CCSER1: variants seen among roughly 807,000 people sequenced by gnomAD.
CCSER1 encodes serine-rich coiled-coil domain-containing protein 1.
In CCSER1, 41 loss-of-function variants were observed where a neutral mutation model predicts 82.0. That is an observed-to-expected ratio of 0.50 (90% CI 0.39 to 0.65). The LOEUF (loss-of-function observed/expected upper bound fraction) is 0.65. Among genes scored for constraint, CCSER1 ranks in the 30% least tolerant of loss-of-function variants. The pLI, the probability that CCSER1 is intolerant of heterozygous loss-of-function variation, is 0.00. For synonymous variants in CCSER1, 414 were observed against 383.9 expected (o/e 1.08, Z -0.92); for missense variants, 1,119 against 1,064.2 (o/e 1.05, Z -0.72).
In CCSER1 at chr4:91,222,924, TAGAG is replaced by T. The variant is rs368229907; in HGVS notation, c.2217+136932_2217+136935del. On this transcript the variant is annotated intron_variant, in intron 10 of 10. Coordinates refer to ENST00000509176, the MANE Select transcript of CCSER1 (RefSeq NM_001145065.2). ...AGCCTTAGAGTGTACCTATGAAAAA[TAGAG>T]ATATTATCAATGTTATCTTGGTGTA... is the stretch of plus-strand genomic sequence containing the variant. 3.2e-3 allele frequency among the ~76,000 whole-genome samples: 483 copies of T among 152,240 alleles called. 18 individuals carry two copies. The South Asian group carries it at 0.072, about 23-fold the overall frequency.
At chr4:90,999,389 A>T (rs146567145) in intron 9 of CCSER1, among the ~76,000 whole-genome samples, 1 of 152,128 alleles carries the variant, frequency 6.6e-6, no homozygotes. Flanking sequence ...CCTCATCAAC[A>T]TCTGTTGTTT....
At chr4:91,269,146 C>T (rs901147743) in intron 10 of CCSER1, among the ~76,000 whole-genome samples, 3 of 152,118 alleles carry the variant, frequency 2.0e-5, no homozygotes, top group Non-Finnish European at 4.4e-5. Context: ...GTATGTCAAC[C>T]AAAGCAACAG....
chr4:91,356,595 G>A (rs764537744), intron 10 of CCSER1, among the ~76,000 whole-genome samples: 4 of 152,248 alleles, frequency 2.6e-5, no homozygotes, highest in Non-Finnish European at 5.9e-5. Flanking sequence ...ATGGACTAAA[G>A]CACAAGTGCC....
chr4:90,511,872 G>C (rs952315204), intron 5 of CCSER1, among the ~76,000 whole-genome samples: 1 of 152,146 alleles, frequency 6.6e-6, no homozygotes, highest in Non-Finnish European at 1.5e-5. Flanking sequence ...CCCAGACAAA[G>C]AGGTAAGCAA....
chr4:90,230,891 T>G (rs1286139231), intron 1 of CCSER1, among the ~76,000 whole-genome samples: 5 of 151,648 alleles, frequency 3.3e-5, no homozygotes, highest in African/African-American at 1.2e-4. Flanking sequence ...ATAAATTCCT[T>G]GACACATACA....
At chr4:91,034,106 C>A (rs1268041560) in intron 9 of CCSER1, among the ~76,000 whole-genome samples, 1 of 152,172 alleles carries the variant, frequency 6.6e-6, no homozygotes, top group African/African-American at 2.4e-5. Flanking sequence ...TTTACTGTCT[C>A]AATCATTTTA....
At chr4:90,336,362 TAGGAC>T (rs1230091659) in intron 3 of CCSER1, among the ~76,000 whole-genome samples, 2 of 152,190 alleles carry the variant, frequency 1.3e-5, no homozygotes, top group Non-Finnish European at 2.9e-5. Flanking sequence ...ATTCCAAACA[TAGGAC>T]TCTACATGTG....
intron 4 of CCSER1, among the ~76,000 whole-genome samples, chr4:90,410,301 T>C (rs1248371387): frequency 2.6e-5 from 4 of 152,112 alleles, no homozygotes; most frequent in Non-Finnish European, 5.9e-5. Context: ...TCTGCAGAAC[T>C]CTCCACCCCA....
At chr4:90,599,576 C>G (rs1237406488) in intron 5 of CCSER1, among the ~76,000 whole-genome samples, 2 of 152,126 alleles carry the variant, frequency 1.3e-5, no homozygotes, top group African/African-American at 4.8e-5. Flanking sequence ...CTCTTACTTG[C>G]CTTTCTCTAT....
At chr4:90,818,647 A>G (rs528184971) in intron 8 of CCSER1, among the ~76,000 whole-genome samples, 7 of 152,310 alleles carry the variant, frequency 4.6e-5, no homozygotes, top group African/African-American at 9.6e-5. Context: ...TTTCTGAACA[A>G]TAGTGCTGGT....
intron 1 of CCSER1, among the ~76,000 whole-genome samples, chr4:90,169,531 G>A (rs1420601302): frequency 2.6e-5 from 4 of 152,078 alleles, no homozygotes; most frequent in Admixed American, 2.6e-4. Flanking sequence ...GGAGTGGTGA[G>A]AGAGGGCATC....
At chr4:90,688,619 AT>A (rs1735247899) in intron 6 of CCSER1, among the ~76,000 whole-genome samples, 1 of 152,188 alleles carries the variant, frequency 6.6e-6, no homozygotes, top group East Asian at 1.9e-4. Context: ...AATCTTGTTA[AT>A]TCCTTGCTGG....
rs749308046 is a variant in CCSER1, at chr4:91,069,175, TAAA to T, written c.2173-16771_2173-16769del. ...GAGACATCATCTCAAAAAAAATAAA[TAAA>T]AAATAAAAATTTTGATTTTCTAAAA... is the stretch of plus-strand genomic sequence containing the variant. On this transcript the variant is annotated intron_variant, in intron 9 of 10. Coordinates refer to ENST00000509176, the MANE Select transcript of CCSER1 (RefSeq NM_001145065.2). Among the ~76,000 whole-genome samples the T allele has an allele frequency of 1.1e-4, 16 of 151,834 alleles. 1 individual carries two copies. The South Asian group carries it at 3.3e-3, about 32-fold the overall frequency.
intron 8 of CCSER1, among the ~76,000 whole-genome samples, chr4:90,916,759 A>G (rs374837674): frequency 6.6e-6 from 1 of 152,148 alleles, no homozygotes; most frequent in Admixed American, 6.5e-5. Context: ...TTTGCAATCT[A>G]CTCATCTGAC....
chr4:91,123,247 T>G (rs1727239357), intron 10 of CCSER1, among the ~76,000 whole-genome samples: 1 of 151,720 alleles, frequency 6.6e-6, no homozygotes, highest in Non-Finnish European at 1.5e-5. Context: ...TATTTGCAGT[T>G]CGATTAGTCA....
intron 5 of CCSER1, among the ~76,000 whole-genome samples, chr4:90,594,825 A>G (rs76391812): frequency 0.014 from 2,118 of 152,124 alleles, 50 homozygotes; most frequent in African/African-American, 0.048. Flanking sequence ...GTCAGAGTTA[A>G]AACTTGGTTT....
chr4:91,284,715 C>T (rs1743146300), intron 10 of CCSER1, among the ~76,000 whole-genome samples: 1 of 152,024 alleles, frequency 6.6e-6, no homozygotes, highest in Admixed American at 6.6e-5. Flanking sequence ...AGCAAGACAC[C>T]CATGTGACTC....
intron 5 of CCSER1, among the ~76,000 whole-genome samples, chr4:90,583,009 G>T (rs1463947775): frequency 1.3e-5 from 2 of 151,990 alleles, no homozygotes; most frequent in Admixed American, 6.6e-5. Flanking sequence ...CATTCAGTTT[G>T]TTATGTCTGT....
intron 10 of CCSER1, among the ~76,000 whole-genome samples, chr4:91,419,688 A>G (rs1045707655): frequency 6.6e-6 from 1 of 152,052 alleles, no homozygotes; most frequent in African/African-American, 2.4e-5. Flanking sequence ...ATTTTTCAGA[A>G]TAATAGAAAA....
Sources: gnomAD v4.1 joint callset for allele counts (sites outside exome capture counted in the v4.1 genomes callset) on GRCh38, gnomAD v4.1.1 for gene constraint, MANE v1.5 for transcripts, NCBI Gene and HGNC (gene_info 2026-07-23, HGNC 2026-07-21) for gene names.